SORCS2: variants seen among roughly 807,000 people sequenced by gnomAD.
SORCS2 encodes the protein sortilin related VPS10 domain containing receptor 2.
A neutral mutation model predicts 141.6 loss-of-function variants in SORCS2; 100 were observed. That is an observed-to-expected ratio of 0.71 (90% CI 0.60 to 0.83). The LOEUF (loss-of-function observed/expected upper bound fraction) is 0.83. Among genes scored for constraint, SORCS2 ranks in the 40% least tolerant of loss-of-function variants. The pLI, the probability that SORCS2 is intolerant of heterozygous loss-of-function variation, is 0.00. For missense variants in SORCS2, 1,646 were observed against 1,560.2 expected, an observed-to-expected ratio of 1.05 and a Z score of -0.93; for synonymous variants, 789 against 676.9, an observed-to-expected ratio of 1.17 and a Z score of -2.57.
At chr4:7,728,202 A>G in intron 21 of SORCS2, 148 bp from the exon 22 acceptor site, 1 of 591,656 alleles carries the variant, frequency 1.7e-6, no homozygotes, top group Non-Finnish European at 3.0e-6. Flanking sequence ...CCTGCTTGAG[A>G]AGACGATGGG....
At chr4:7,739,566 C>T (rs1712479202) in intron 26 of SORCS2, among the ~76,000 whole-genome samples, 1 of 152,218 alleles carries the variant, frequency 6.6e-6, no homozygotes, top group South Asian at 2.1e-4. Context: ...GCGGTTGACC[C>T]TCACGTTAGA....
At chr4:7,292,436 G>A (rs979860662) in intron 1 of SORCS2, among the ~76,000 whole-genome samples, 1 of 152,266 alleles carries the variant, frequency 6.6e-6, no homozygotes. Flanking sequence ...ATCTCAGGAA[G>A]ATGCACTGGT....
chr4:7,667,768 AGGGGAGCT>A (rs1214549169), intron 8 of SORCS2, among the ~76,000 whole-genome samples: 1 of 152,234 alleles, frequency 6.6e-6, no homozygotes, highest in Non-Finnish European at 1.5e-5. Context: ...AAGGGGGACC[AGGGGAGCT>A]GGGGATTGCC....
chr4:7,390,703 C>G, intron 1 of SORCS2, among the ~76,000 whole-genome samples: 1 of 152,218 alleles, frequency 6.6e-6, no homozygotes, highest in East Asian at 1.9e-4. Context: ...AATGGTGAAC[C>G]TGACCCCCGG....
In SORCS2 at chr4:7,545,065, C is replaced by T. The variant is rs552296328; in HGVS notation, c.648+13436C>T. 2.0e-5 allele frequency among the ~76,000 whole-genome samples: 3 copies of T among 152,142 alleles called. No individual in the cohort carries two copies. In the South Asian group the frequency reaches 6.2e-4, roughly 32 times the overall value. ...CTTTTGTCTCAGAAATAGAGTGAAC[C>T]CTGGAAACTTCAGCCCTAATACATG... On this transcript the variant is annotated intron_variant, in intron 3 of 26. Coordinates refer to ENST00000507866, the MANE Select transcript of SORCS2 (RefSeq NM_020777.3).
intron 9 of SORCS2, among the ~76,000 whole-genome samples, chr4:7,677,256 G>A (rs906179302): frequency 5.3e-5 from 8 of 152,120 alleles, no homozygotes; most frequent in African/African-American, 9.7e-5. Context: ...AGAACGCCCC[G>A]TGCATCGCAC....
At position 7,725,429 on chromosome 4, in the gene SORCS2, A is replaced by G. The variant is rs1461410100; in HGVS notation, c.2745+142A>G. ...CTCACCCTTGGGCCCCTCCTGGGGC[A>G]GTTGAGAGGGGCACACCCTCCGTGG... On this transcript the variant is annotated intron_variant, in intron 20 of 26. Transcript: ENST00000507866. The G allele has an allele frequency of 2.4e-6, 3 of 1,243,110 alleles. No homozygotes were observed. The African/African-American group carries it at 4.6e-5, about 19-fold the overall frequency. The allele number at this position is 1,243,110 out of a possible 1,614,324, so 77.0% of individuals were successfully genotyped here.
At chr4:7,496,458 G>A (rs866261599) in intron 2 of SORCS2, among the ~76,000 whole-genome samples, 1,473 of 33,396 alleles carry the variant, frequency 0.044, 49 homozygotes, top group African/African-American at 0.15. Context: ...CCCGTTCCCC[G>A]TCCCCCGTCC....
chr4:7,439,861 G>A lies in SORCS2; in HGVS notation c.548+43506G>A, dbSNP rs147734099. 3.9e-3 allele frequency among the ~76,000 whole-genome samples: 600 copies of A among 152,232 alleles called. 1 individual carries two copies. Among genetic ancestry groups the A allele is most frequent in the African/African-American group, 0.014 (574 of 41,536 alleles). On this transcript the variant is annotated intron_variant, in intron 2 of 26. Coordinates refer to ENST00000507866, the MANE Select transcript of SORCS2 (RefSeq NM_020777.3). ...TGGCTGCTCCAAACATCTTGGTGACGTCAGATGGTGTGCAGAATGTTTCTG... is the reference window on the plus strand; with the variant it reads ...TGGCTGCTCCAAACATCTTGGTGACATCAGATGGTGTGCAGAATGTTTCTG...
intron 25 of SORCS2, among the ~76,000 whole-genome samples, chr4:7,736,612 C>T (rs1052943558): frequency 1.3e-5 from 2 of 152,158 alleles, no homozygotes; most frequent in Non-Finnish European, 2.9e-5. Context: ...GCTGGGAAAT[C>T]GAGGACAGTA....
rs1388430358 is a variant in SORCS2, at chr4:7,741,265, G to C, written c.*1001G>C. The C allele has an allele frequency of 1.8e-5, 7 of 398,830 alleles. No individual in the cohort carries two copies. Among genetic ancestry groups the C allele is most frequent in the East Asian group, 1.1e-4 (3 of 28,076 alleles). The allele number at this position is 398,830 out of a possible 1,614,324, so 24.7% of individuals were successfully genotyped here. ...GATGGCAGGGCTGGAAGGGCCATCA[G>C]CGTGACCCTCATTTTCAAGAAGGGG... On this transcript the variant is annotated 3_prime_UTR_variant, in exon 27 of 27. Transcript: ENST00000507866.
intron 5 of SORCS2, among the ~76,000 whole-genome samples, chr4:7,660,900 GA>G (rs1403427694): frequency 3.3e-5 from 5 of 152,156 alleles, no homozygotes; most frequent in Non-Finnish European, 7.4e-5. Context: ...ATGGCTGAGA[GA>G]GCAATCTTCC....
chr4:7,266,125 G>T (rs1190890545), intron 1 of SORCS2, among the ~76,000 whole-genome samples: 1 of 152,134 alleles, frequency 6.6e-6, no homozygotes, highest in African/African-American at 2.4e-5. Context: ...TGGTGCCACA[G>T]AGCTGAGGGA....
At chr4:7,493,132 T>C (rs1345920162) in intron 2 of SORCS2, among the ~76,000 whole-genome samples, 2 of 152,160 alleles carry the variant, frequency 1.3e-5, no homozygotes, top group African/African-American at 4.8e-5. Context: ...AATGGATGTT[T>C]CAAAGTGCCC....
intron 3 of SORCS2, among the ~76,000 whole-genome samples, chr4:7,627,357 C>T (rs1361870041): frequency 6.6e-6 from 1 of 152,168 alleles, no homozygotes; most frequent in African/African-American, 2.4e-5. Context: ...GAATGCCAGG[C>T]CTTACATATC....
chr4:7,528,560 G>A (rs1211964228), intron 2 of SORCS2, among the ~76,000 whole-genome samples: 1 of 152,022 alleles, frequency 6.6e-6, no homozygotes, highest in African/African-American at 2.4e-5. Flanking sequence ...TGAGTACCTG[G>A]GATTACAGGC....
chr4:7,472,840 T>A (rs959779027), intron 2 of SORCS2, among the ~76,000 whole-genome samples: 2 of 151,864 alleles, frequency 1.3e-5, no homozygotes, highest in Admixed American at 6.6e-5. Flanking sequence ...AGGGCGGAAT[T>A]AACAGAACAA....
At chr4:7,325,511 T>A (rs1332843849) in intron 1 of SORCS2, among the ~76,000 whole-genome samples, 2 of 152,216 alleles carry the variant, frequency 1.3e-5, no homozygotes, top group African/African-American at 4.8e-5. Context: ...CTCACACAGC[T>A]GCAGGGCACT....
At chr4:7,325,149 G>A (rs772069866) in intron 1 of SORCS2, among the ~76,000 whole-genome samples, 5 of 152,168 alleles carry the variant, frequency 3.3e-5, no homozygotes, top group Admixed American at 6.5e-5. Flanking sequence ...GCGGGTGTTG[G>A]CCCCATCTGC....
Sources: allele counts gnomAD v4.1 joint callset (sites outside exome capture counted in the v4.1 genomes callset), GRCh38; gene constraint gnomAD v4.1.1; transcripts MANE v1.5; gene names NCBI Gene and HGNC (gene_info 2026-07-23, HGNC 2026-07-21).